LMBR1: variants seen among roughly 807,000 people sequenced by gnomAD.
LMBR1 encodes the protein limb development membrane protein 1.
LMBR1 carries 52 observed loss-of-function variants against 73.9 expected under a neutral mutation model. The observed-to-expected ratio is 0.70, with a 90% CI of 0.56 to 0.89. The LOEUF is 0.89. Ranked by LOEUF, LMBR1 falls within the 40% of genes least tolerant of loss-of-function variation. The pLI is 0.00. For missense variants in LMBR1, 539 were observed against 579.8 expected (o/e 0.93, Z 0.72); for synonymous variants, 215 against 209.4 (o/e 1.03, Z -0.23).
chr7:156,833,926 T>A, intron 2 of LMBR1, 134 bp from the exon 3 acceptor site: 2 of 606,036 alleles, frequency 3.3e-6, no homozygotes, highest in Non-Finnish European at 5.6e-6. Context: ...AAGCACTGTA[T>A]TTGTTTCAGC....
At chr7:156,848,345 A>G (rs568086895) in intron 1 of LMBR1, among the ~76,000 whole-genome samples, 1 of 152,222 alleles carries the variant, frequency 6.6e-6, no homozygotes, top group Non-Finnish European at 1.5e-5. Context: ...AAGGTCTAAT[A>G]AAAGCAACCC....
chr7:156,888,182 G>C (rs189319859), intron 1 of LMBR1, among the ~76,000 whole-genome samples: 2 of 151,728 alleles, frequency 1.3e-5, no homozygotes, highest in African/African-American at 2.4e-5. Flanking sequence ...AGGCTGAGGC[G>C]GGCGAATCAC....
intron 13 of LMBR1, 117 bp from the exon 14 acceptor site, chr7:156,725,642 C>G (rs1815583622): frequency 1.1e-5 from 13 of 1,213,390 alleles, no homozygotes; most frequent in Non-Finnish European, 1.5e-5. Flanking sequence ...GCTTTAAGTG[C>G]TTGAGGAAGA....
chr7:156,864,592 T>G (rs761170786), intron 1 of LMBR1, among the ~76,000 whole-genome samples: 43 of 152,352 alleles, frequency 2.8e-4, no homozygotes, highest in Admixed American at 1.4e-3. Flanking sequence ...CTCTATATAC[T>G]TGGAATAAAA....
chr7:156,782,549 G>A (rs1052359451), intron 5 of LMBR1, among the ~76,000 whole-genome samples: 1 of 151,918 alleles, frequency 6.6e-6, no homozygotes, highest in Non-Finnish European at 1.5e-5. Flanking sequence ...TTGTTTGTTT[G>A]TTTGTTTGTT....
At chr7:156,851,577 T>C (rs2134081686) in intron 1 of LMBR1, among the ~76,000 whole-genome samples, 1 of 152,158 alleles carries the variant, frequency 6.6e-6, no homozygotes, top group South Asian at 2.1e-4. Context: ...CTTGAGGAGA[T>C]GGTAAAGTTG....
chr7:156,712,704 A>G (rs1812331445), intron 15 of LMBR1, among the ~76,000 whole-genome samples: 1 of 152,210 alleles, frequency 6.6e-6, no homozygotes, highest in Non-Finnish European at 1.5e-5. Flanking sequence ...GAAATCATGT[A>G]TTTCACAACA....
intron 1 of LMBR1, among the ~76,000 whole-genome samples, chr7:156,878,241 T>C (rs553530849): frequency 6.6e-6 from 1 of 152,310 alleles, no homozygotes; most frequent in Admixed American, 6.5e-5. Flanking sequence ...GGCATCCAAA[T>C]TGGTAAAGAG....
chr7:156,874,444 G>A lies in LMBR1; in HGVS notation c.66+18484C>T, dbSNP rs563137070. 2.6e-5 allele frequency among the ~76,000 whole-genome samples: 4 copies of A among 152,354 alleles called. No homozygotes were observed. In the South Asian group the frequency reaches 8.3e-4, roughly 32 times the overall value. On this transcript the variant is annotated intron_variant, in intron 1 of 16. Transcript: ENST00000353442. ...CCAGCCTCGGCCCACCCAGAAAGGG[G>A]CTCCCACAGTGCAGCGGGGGGCCGA...
downstream of LMBR1, chr7:156,675,890 C>G (rs1365248856): frequency 1.2e-5 from 19 of 1,603,262 alleles, no homozygotes; most frequent in Middle Eastern, 3.3e-4. Context: ...GCCTGGCAAC[C>G]AGCAGACTCA....
intron 5 of LMBR1, among the ~76,000 whole-genome samples, chr7:156,776,839 A>C (rs1826226733): frequency 6.6e-6 from 1 of 152,140 alleles, no homozygotes; most frequent in South Asian, 2.1e-4. Context: ...AATCATGAGA[A>C]AGTTTTACTA....
intron 9 of LMBR1, among the ~76,000 whole-genome samples, chr7:156,734,493 G>A (rs1817482197): frequency 6.6e-6 from 1 of 152,152 alleles, no homozygotes; most frequent in African/African-American, 2.4e-5. Context: ...AGAGTCAGAA[G>A]GGAGAGGGTT....
chr7:156,794,293 A>AC (rs1167201873), intron 5 of LMBR1, among the ~76,000 whole-genome samples: 1 of 152,192 alleles, frequency 6.6e-6, no homozygotes, highest in Non-Finnish European at 1.5e-5. Flanking sequence ...AAGACTAAAA[A>AC]TTTTTTTAAA....
At chr7:156,877,698 ACGATGAAACCC>A (rs1233244223) in intron 1 of LMBR1, among the ~76,000 whole-genome samples, 1 of 152,076 alleles carries the variant, frequency 6.6e-6, no homozygotes, top group African/African-American at 2.4e-5. Context: ...TCTGGCTAAC[ACGATGAAACCC>A]CGTCTCTACT....
At position 156,892,979 on chromosome 7, in the gene LMBR1, G is replaced by A; in HGVS notation, c.15C>T (p.Asp5=). 1 of 1,539,638 alleles carries A rather than the reference G, an allele frequency of 6.5e-7. No homozygotes were observed. Among genetic ancestry groups the A allele is most frequent in the Middle Eastern group, 1.7e-4 (1 of 5,846 alleles). ...AGTGCTGCTCCCGCGCCGACACCTC[G>A]TCCTGCCCTTCCATCCTCCTTCATG... MEGQ[D]EVSAREQHFH... The change falls in exon 1 of 17, where the codon GAC becomes GAT. Residue 5 remains aspartate (D), a synonymous_variant. Transcript: ENST00000353442.
At chr7:156,790,260 G>A (rs1828965448) in intron 5 of LMBR1, among the ~76,000 whole-genome samples, 1 of 152,024 alleles carries the variant, frequency 6.6e-6, no homozygotes, top group Admixed American at 6.6e-5. Flanking sequence ...AACATAGTTG[G>A]TGCATTTAAG....
At chr7:156,885,807 A>G (rs560566554) in intron 1 of LMBR1, among the ~76,000 whole-genome samples, 1 of 152,158 alleles carries the variant, frequency 6.6e-6, no homozygotes, top group South Asian at 2.1e-4. Context: ...GAACCCGGGA[A>G]GCAGAGGTTA....
At chr7:156,776,029 C>T (rs1384873688) in intron 5 of LMBR1, among the ~76,000 whole-genome samples, 1 of 148,912 alleles carries the variant, frequency 6.7e-6, no homozygotes, top group Admixed American at 6.7e-5. Context: ...TTATAAAGAT[C>T]GAATGAGTAT....
In LMBR1 at chr7:156,720,322, C is replaced by T. The variant is rs376776527; in HGVS notation, c.1225+3790G>A. 1.1e-4 allele frequency among the ~76,000 whole-genome samples: 17 copies of T among 152,240 alleles called. No individual in the cohort carries two copies. In the East Asian group the frequency reaches 2.3e-3, roughly 21 times the overall value. On this transcript the variant is annotated intron_variant, in intron 15 of 16. Transcript: ENST00000353442. ...AATGGTCCTAAAGGAAATTATTTTC[C>T]GCATGAAAATTATAATAAAGTAAAT...
Sources: gnomAD v4.1 joint callset for allele counts (sites outside exome capture counted in the v4.1 genomes callset) on GRCh38, gnomAD v4.1.1 for gene constraint, MANE v1.5 for transcripts, NCBI Gene and HGNC (gene_info 2026-07-23, HGNC 2026-07-21) for gene names.